Variants in TEP1 observed in about 807,000 individuals in gnomAD.
TEP1 encodes the protein telomerase associated protein 1, also known as telomerase protein component 1.
Under a neutral mutation model 306.3 loss-of-function variants are expected in TEP1, and 241 were observed. The observed-to-expected ratio is 0.79, with a 90% CI of 0.71 to 0.88. TEP1 has a LOEUF of 0.88. Ranked by LOEUF, TEP1 falls within the 40% of genes least tolerant of loss-of-function variation. The pLI is 0.00. For missense variants in TEP1, 3,051 were observed against 3,276.1 expected, an observed-to-expected ratio of 0.93 and a Z score of 1.68; for synonymous variants, 1,289 against 1,305.5, an observed-to-expected ratio of 0.99 and a Z score of 0.27.
rs1199514921 is a variant in TEP1 at position 20,395,877 on chromosome 14, C to A, written c.1732G>T (p.Ala578Ser). The change falls in exon 11 of 55, where the codon GCT (alanine) becomes TCT (serine). Residue 578 changes from alanine to serine, a missense_variant. Ala to Ser is a moderately conservative substitution (Grantham distance 99). Transcript: ENST00000262715. The stretch of plus-strand genomic sequence containing the variant: ...AGAATACCTTGATTTCTGAGTTGAG[C>A]CTCGAGGGCATCAATGGCATCATGG... ...NAHDAIDALE[A>S]QLRNQALPFP... 6 of 1,613,764 alleles carry A rather than the reference C, an allele frequency of 3.7e-6. No homozygotes were observed. The African/African-American group carries it at 8.0e-5, about 22-fold the overall frequency.
chr14:20,398,617 C>G (rs1201632096), intron 9 of TEP1, among the ~76,000 whole-genome samples: 1 of 151,992 alleles, frequency 6.6e-6, no homozygotes. Context: ...GATTCAGTGA[C>G]TATGTGGGTT....
Position 20,384,505 on chromosome 14 carries a change from G to A in TEP1, c.3225C>T (p.Tyr1075=), listed in dbSNP as rs199519079. The A allele has an allele frequency of 6.2e-7, 1 of 1,614,084 alleles. No homozygotes were observed. Among genetic ancestry groups the A allele is most frequent in the Non-Finnish European group, 8.5e-7 (1 of 1,180,020 alleles). Residue 1075 remains tyrosine (Y), a synonymous_variant, in exon 23 of 55, where the codon TAC becomes TAT. Transcript: ENST00000262715. ...SRQKGITCRR[Y]PCEWGGVAAG... is the part of the protein sequence containing the mutation. Reference sequence around the variant, plus strand: ...CTGCCACACCCCCCCACTCACAGGGGTATCTGTGGGCAAATCAAGCACAAC... The same window carrying A: ...CTGCCACACCCCCCCACTCACAGGGATATCTGTGGGCAAATCAAGCACAAC...
At chr14:20,405,014 C>A (rs1370800813) in intron 4 of TEP1, among the ~76,000 whole-genome samples, 1 of 152,188 alleles carries the variant, frequency 6.6e-6, no homozygotes, top group East Asian at 1.9e-4. Flanking sequence ...TCAACCAGGC[C>A]TTTTCCTTCT....
At position 20,380,400 on chromosome 14, in the gene TEP1, T is replaced by C. The variant is rs1393847776; in HGVS notation, c.4838A>G (p.Gln1613Arg). 6.2e-7 allele frequency: 1 copy of C among 1,614,240 alleles called. No homozygotes were observed. Among genetic ancestry groups the C allele is most frequent in the East Asian group, 2.2e-5 (1 of 44,884 alleles). Residue 1613 changes from glutamine (Q) to arginine (R), a missense_variant, in exon 34 of 55, where the codon CAG (glutamine) becomes CGG (arginine). Around this residue, in one of 3 missense-constraint regions of TEP1, gnomAD observed 1,540 missense variants for 1,705.9 expected, o/e 0.90. Coordinates refer to ENST00000262715, the MANE Select transcript of TEP1 (RefSeq NM_007110.5). Reference sequence around the variant, plus strand: ...GGGGTACTGGCTGAGGATTGAAGCCTGCTGCCTCAGGAAGGTGCGAAACAC... The same window carrying C: ...GGGGTACTGGCTGAGGATTGAAGCCCGCTGCCTCAGGAAGGTGCGAAACAC... ...VAVFRTFLRQQASILSQYPRL... is the reference protein window; with the variant it reads ...VAVFRTFLRQRASILSQYPRL...
Position 20,386,452 on chromosome 14 carries a change from C to T in TEP1, c.2856G>A (p.Arg952=). Residue 952 remains arginine (R), a synonymous_variant, in exon 19 of 55, where the codon AGG becomes AGA. Transcript: ENST00000262715. The stretch of plus-strand genomic sequence containing the variant: ...CTTCTCTGCAGCCCCCACACCTGTT[C>T]CTACGGGTCTCCTCCTCAGTGACGC... ...RWGVTEEETR[R]NRQLEVCLGE... The T allele has an allele frequency of 6.2e-7, 1 of 1,602,340 alleles. No homozygotes were observed. Among genetic ancestry groups the T allele is most frequent in the South Asian group, 1.1e-5 (1 of 90,214 alleles).
chr14:20,393,410 CAAATT>C (rs1431484637), intron 12 of TEP1, among the ~76,000 whole-genome samples: 2 of 152,160 alleles, frequency 1.3e-5, no homozygotes. Context: ...ACAATTAAAT[CAAATT>C]AAACTTAAAT....
At chr14:20,373,919 G>A in intron 44 of TEP1, 109 bp from the exon 45 acceptor site, 3 of 1,431,222 alleles carry the variant, frequency 2.1e-6, no homozygotes, top group Non-Finnish European at 2.8e-6. Context: ...AGATGTCAAT[G>A]AGGGAGGAGA....
At chr14:20,377,845 C>G (rs1885282967) in intron 39 of TEP1, 92 bp from the exon 40 acceptor site, 1 of 1,530,762 alleles carries the variant, frequency 6.5e-7, no homozygotes, top group African/African-American at 1.4e-5. Context: ...TAAAGTCCTC[C>G]TTCCAGAGAC....
rs749009664 is a variant in TEP1 at position 20,391,721 on chromosome 14, G to A, written c.1975C>T (p.Leu659=). The change falls in exon 13 of 55, where the codon CTA becomes TTA. Residue 659 remains leucine (L), a synonymous_variant. Coordinates refer to ENST00000262715, the MANE Select transcript of TEP1 (RefSeq NM_007110.5). ...ACAGAGAGGTTCACAGCTGTCTCTA[G>A]GGCCTGTCGGTACCTGTTCAGCATC... ...GEMLNRYRQA[L]ETAVNLSVKH... 19 of 1,614,180 alleles carry A rather than the reference G, an allele frequency of 1.2e-5. No homozygotes were observed. The highest frequency in any genetic ancestry group is 1.6e-5 in the Non-Finnish European group (19 of 1,180,024).
At position 20,389,281 on chromosome 14, in the gene TEP1, G is replaced by A; in HGVS notation, c.2482C>T (p.Pro828Ser). ...CAGCCTGAGAGTGTCACATCATTGG[G>A]ATTCAAATCTGTTGACCTGGCAAAG... Reference protein sequence around the residue: ...RVQYLSTDLNPNDVTLSGCTD... With the variant: ...RVQYLSTDLNSNDVTLSGCTD... The change falls in exon 17 of 55, where the codon CCC becomes TCC. Residue 828 changes from proline to serine, a missense_variant. Around this residue, in one of 3 missense-constraint regions of TEP1, gnomAD observed 1,507 missense variants for 1,550.5 expected, o/e 0.97. Transcript: ENST00000262715. 1 of 1,614,152 alleles carries A rather than the reference G, an allele frequency of 6.2e-7. No individual in the cohort carries two copies. The highest frequency in any genetic ancestry group is 8.5e-7 in the Non-Finnish European group (1 of 1,180,024).
intron 40 of TEP1, 22 bp downstream of exon 40, chr14:20,377,578 C>T (rs1182226844): frequency 6.2e-7 from 1 of 1,613,988 alleles, no homozygotes; most frequent in Middle Eastern, 1.6e-4. Flanking sequence ...GCTCAAAAAC[C>T]CACCCATTCC....
At chr14:20,385,900 G>C (rs939170898) in intron 20 of TEP1, among the ~76,000 whole-genome samples, 175 bp downstream of exon 20, 1 of 152,140 alleles carries the variant, frequency 6.6e-6, no homozygotes, top group Admixed American at 6.5e-5. Flanking sequence ...CTTCTCAAAG[G>C]ACTTTTCTCA....
Position 20,381,513 on chromosome 14 carries a change from C to A in TEP1, c.4558+40G>T. The A allele has an allele frequency of 6.2e-7, 1 of 1,612,922 alleles. No homozygotes were observed. The highest frequency in any genetic ancestry group is 8.5e-7 in the Non-Finnish European group (1 of 1,179,994). Reference sequence around the variant, plus strand: ...GGTGGTCCTGGCCTCCAGGCCCAAGCCCCACACTCAGTGCCCAGGCTGACT... The same window carrying A: ...GGTGGTCCTGGCCTCCAGGCCCAAGACCCACACTCAGTGCCCAGGCTGACT... On this transcript the variant is annotated intron_variant, in intron 31 of 54. Transcript: ENST00000262715. This position sits in a 1 kb window ranked among gnomAD's most constrained non-coding sequence, Gnocchi z 4.0.
At chr14:20,388,871 C>T (rs1308869158) in intron 17 of TEP1, among the ~76,000 whole-genome samples, 11 of 152,150 alleles carry the variant, frequency 7.2e-5, no homozygotes, top group Non-Finnish European at 1.0e-4. Context: ...TAACTGGAGC[C>T]GGGTGCGGTG....
intron 10 of TEP1, 50 bp downstream of exon 10, chr14:20,396,571 C>G (rs374917519): frequency 2.6e-6 from 4 of 1,509,834 alleles, no homozygotes; most frequent in Non-Finnish European, 3.7e-6. Context: ...GGCCTCTCCA[C>G]GTGCACATCT....
At chr14:20,375,195 G>A (rs1027092887) in intron 43 of TEP1, among the ~76,000 whole-genome samples, 1 of 151,808 alleles carries the variant, frequency 6.6e-6, no homozygotes, top group South Asian at 2.1e-4. Flanking sequence ...ATTTTGAGAT[G>A]GAGTTTCACT....
At position 20,381,195 on chromosome 14, in the gene TEP1, AG is replaced by A; in HGVS notation, c.4647+117del. ...AGGAAAACTGAAAGGAAAGAGGTCA[AG>A]GGAGTTTGGGAGGGGTAATGGCGGC... On this transcript the variant is annotated intron_variant, in intron 32 of 54. Coordinates refer to ENST00000262715, the MANE Select transcript of TEP1 (RefSeq NM_007110.5). This position sits in a 1 kb window ranked among gnomAD's most constrained non-coding sequence, Gnocchi z 4.0. 4 of 1,252,334 alleles carry A rather than the reference AG, an allele frequency of 3.2e-6. No individual in the cohort carries two copies. The highest frequency in any genetic ancestry group is 4.7e-6 in the Non-Finnish European group (4 of 852,234). The allele number at this position is 1,252,334 out of a possible 1,614,324, so 77.6% of individuals were successfully genotyped here. A position where few individuals can be genotyped will look rare whatever the true frequency, so the allele number is the denominator to read the frequency against.
chr14:20,391,207 G>C lies in TEP1; in HGVS notation c.2098-111C>G, dbSNP rs575255815. 4.6e-5 allele frequency: 54 copies of C among 1,177,818 alleles called. No homozygotes were observed. In the African/African-American group the frequency reaches 7.2e-4, roughly 16 times the overall value. The allele number at this position is 1,177,818 out of a possible 1,614,324, so 73.0% of individuals were successfully genotyped here. ...CATTGGTTAGAGGGAATAAGAAAAA[G>C]TGTAAAATCCCAAGTTAGGAGGGGT... On this transcript the variant is annotated intron_variant, in intron 13 of 54. Transcript: ENST00000262715.
chr14:20,379,850 G>A (rs755459643), intron 35 of TEP1, 80 bp downstream of exon 35: 75 of 1,515,068 alleles, frequency 5.0e-5, no homozygotes, highest in African/African-American at 8.3e-5. Flanking sequence ...GATAACAGGT[G>A]TGTTTGGCTC....
Sources: gnomAD v4.1 joint callset for allele counts (sites outside exome capture counted in the v4.1 genomes callset) on GRCh38, gnomAD v4.1.1 for gene constraint, gnomAD v4.1.1 regional missense constraint, Gnocchi (gnomAD v3.1) non-coding constraint, MANE v1.5 for transcripts, NCBI Gene and HGNC (gene_info 2026-07-23, HGNC 2026-07-21) for gene names.